MMUT: variants seen among roughly 807,000 people sequenced by gnomAD.
The protein encoded by MMUT is methylmalonyl-CoA mutase.
A neutral mutation model predicts 79.9 loss-of-function variants in MMUT; 79 were observed. That is an observed-to-expected ratio of 0.99 (90% CI 0.82 to 1.19). The LOEUF is 1.19. Among genes scored for constraint, MMUT ranks in the 50% most tolerant of loss-of-function variants. MMUT has a pLI of 0.00. For synonymous variants in MMUT, 273 were observed against 295.7 expected, an observed-to-expected ratio of 0.92 and a Z score of 0.79; for missense variants, 860 against 917.2, an observed-to-expected ratio of 0.94 and a Z score of 0.81.
At chr6:49,447,113 C>T (rs939386778) in intron 8 of MMUT, among the ~76,000 whole-genome samples, 2 of 151,764 alleles carry the variant, frequency 1.3e-5, no homozygotes, top group Non-Finnish European at 3.0e-5. Context: ...GAAGGGAATA[C>T]GATACTCTAG....
At chr6:49,446,593 A>C (rs1767415037) in intron 8 of MMUT, among the ~76,000 whole-genome samples, 1 of 151,896 alleles carries the variant, frequency 6.6e-6, no homozygotes, top group Admixed American at 6.6e-5. Flanking sequence ...TGGAAATAAA[A>C]ATAGTAACTA....
At chr6:49,458,106 A>G in intron 2 of MMUT, 48 bp from the exon 3 acceptor site, 1 of 1,571,016 alleles carries the variant, frequency 6.4e-7, no homozygotes. Context: ...TCTGGAATCA[A>G]GGTAAAATGA....
At chr6:49,448,288 A>T (rs1422523286) in intron 7 of MMUT, among the ~76,000 whole-genome samples, 1 of 151,748 alleles carries the variant, frequency 6.6e-6, no homozygotes, top group African/African-American at 2.4e-5. Context: ...ACTTCCCACA[A>T]CCCCTACCCC....
In MMUT at chr6:49,448,924, T is replaced by C. The variant is rs956073228; in HGVS notation, c.1336A>G (p.Ile446Val). ...NDVYDAALKL[I>V]NEIEEMGGMA... ...CCACCCATTTCTTCAATTTCATTAA[T>C]GAGCTAAAAAGAAAAACATTAACAA... The change falls in exon 7 of 13, where the codon ATT becomes GTT. Residue 446 changes from isoleucine to valine, a missense_variant. Coordinates refer to ENST00000274813, the MANE Select transcript of MMUT (RefSeq NM_000255.4). The C allele has an allele frequency of 6.9e-6, 11 of 1,604,328 alleles. No individual in the cohort carries two copies. Among genetic ancestry groups the C allele is most frequent in the Non-Finnish European group, 9.4e-6 (11 of 1,171,486 alleles).
intron 8 of MMUT, among the ~76,000 whole-genome samples, chr6:49,447,403 C>G (rs1340557218): frequency 6.6e-6 from 1 of 151,766 alleles, no homozygotes; most frequent in Non-Finnish European, 1.5e-5. Flanking sequence ...TTTTTAATAA[C>G]AACTTATAAG....
Position 49,447,686 on chromosome 6 carries a change from A to G in MMUT, c.1544T>C (p.Ile515Thr), listed in dbSNP as rs1436325438. The change falls in exon 8 of 13, where the codon ATT (isoleucine) becomes ACT (threonine). Residue 515 changes from isoleucine (I) to threonine (T), a missense_variant. Physicochemically the swap from Ile to Thr is moderately conservative, Grantham distance 89. Coordinates refer to ENST00000274813, the MANE Select transcript of MMUT (RefSeq NM_000255.4). ...IDNTSVRNRQ[I>T]EKLKKIKSSR... is the part of the protein sequence containing the mutation. ...TATTAATACCTTCTTAAGTTTTTCA[A>G]TCTGCCTGTTTCGCACTGAAGTATT... The G allele has an allele frequency of 6.2e-7, 1 of 1,608,620 alleles. No individual in the cohort carries two copies. Among genetic ancestry groups the G allele is most frequent in the Admixed American group, 1.7e-5 (1 of 59,890 alleles).
chr6:49,459,121 C>T lies in MMUT; in HGVS notation c.346G>A (p.Val116Met). The T allele has an allele frequency of 1.9e-6, 3 of 1,614,100 alleles. No homozygotes were observed. Among genetic ancestry groups the T allele is most frequent in the Non-Finnish European group, 2.5e-6 (3 of 1,180,010 alleles). Residue 116 changes from valine (V) to methionine (M), a missense_variant, in exon 2 of 13, where the codon GTG (valine) becomes ATG (methionine). Transcript: ENST00000274813. ...TIRQYAGFST[V>M]EESNKFYKDN... The stretch of plus-strand genomic sequence containing the variant: ...TTATAGAACTTATTGCTTTCTTCCA[C>T]AGTACTAAAACCAGCATACTGGCGG...
intron 12 of MMUT, 102 bp from the exon 13 acceptor site, chr6:49,431,958 C>G (rs1766991582): frequency 1.5e-6 from 2 of 1,353,970 alleles, no homozygotes; most frequent in Admixed American, 1.7e-5. Flanking sequence ...CCAAAACCTT[C>G]TCAACTGGTA....
chr6:49,459,873 C>A, intron 1 of MMUT, among the ~76,000 whole-genome samples: 1 of 152,114 alleles, frequency 6.6e-6, no homozygotes, highest in African/African-American at 2.4e-5. Flanking sequence ...CTACAGCCTC[C>A]TAATTAATTT....
chr6:49,453,526 CAG>C (rs1767609050), intron 5 of MMUT, 57 bp downstream of exon 5: 3 of 949,400 alleles, frequency 3.2e-6, no homozygotes, highest in Non-Finnish European at 2.9e-6. Flanking sequence ...CCACATTGCT[CAG>C]AAAAAATATA....
rs188469760 is a variant in MMUT at position 49,445,559 on chromosome 6, A to T, written c.1561-805T>A. 1.7e-4 allele frequency among the ~76,000 whole-genome samples: 26 copies of T among 152,190 alleles called. No individual in the cohort carries two copies. The East Asian group carries it at 5.0e-3, about 29-fold the overall frequency. On this transcript the variant is annotated intron_variant, in intron 8 of 12. Coordinates refer to ENST00000274813, the MANE Select transcript of MMUT (RefSeq NM_000255.4). ...AAATTCAGGGATGTTCAAGGCCCTT[A>T]TATAAAATGATGTAGTGTTTGCATA...
intron 3 of MMUT, among the ~76,000 whole-genome samples, chr6:49,456,534 G>A (rs1214957290): frequency 6.6e-6 from 1 of 152,122 alleles, no homozygotes; most frequent in African/African-American, 2.4e-5. Context: ...GCTGAGGTTA[G>A]GAATGTAACC....
Position 49,459,286 on chromosome 6 carries a change from A to T in MMUT, c.181T>A (p.Trp61Arg). ...LKGKNPEDLI[W>R]HTPEGISIKP... ...ATAGAGATCCCTTCCGGGGTGTGCC[A>T]TATTAGGTCTTCTGGGTTTTTGCCT... The change falls in exon 2 of 13, where the codon TGG becomes AGG. Residue 61 changes from tryptophan to arginine, a missense_variant. Physicochemically the swap from Trp to Arg is moderately radical, Grantham distance 101. Transcript: ENST00000274813. 6.2e-7 allele frequency: 1 copy of T among 1,614,132 alleles called. No homozygotes were observed. The highest frequency in any genetic ancestry group is 2.2e-5 in the East Asian group (1 of 44,860).
intron 3 of MMUT, among the ~76,000 whole-genome samples, 183 bp from the exon 4 acceptor site, chr6:49,456,420 A>G (rs1767691998): frequency 6.6e-6 from 1 of 152,210 alleles, no homozygotes; most frequent in Non-Finnish European, 1.5e-5. Flanking sequence ...TCCAATTTAA[A>G]TGGTTCGTCC....
At chr6:49,450,948 A>G (rs1326884748) in intron 6 of MMUT, among the ~76,000 whole-genome samples, 1 of 152,196 alleles carries the variant, frequency 6.6e-6, no homozygotes, top group Non-Finnish European at 1.5e-5. Flanking sequence ...ACATTGAGAT[A>G]TAATTATATT....
Position 49,444,620 on chromosome 6 carries a change from C to T in MMUT, c.1676+19G>A. On this transcript the variant is annotated intron_variant, in intron 9 of 12. Transcript: ENST00000274813. ...TCAACTTTTAGTCTTTGGAAACCTC[C>T]AAACTTATATATCTTCACCTTGCCC... The T allele has an allele frequency of 6.2e-7, 1 of 1,602,642 alleles. No individual in the cohort carries two copies. Among genetic ancestry groups the T allele is most frequent in the Middle Eastern group, 1.7e-4 (1 of 6,032 alleles).
intron 3 of MMUT, among the ~76,000 whole-genome samples, chr6:49,456,628 G>T (rs1767698357): frequency 6.6e-6 from 1 of 151,980 alleles, no homozygotes; most frequent in African/African-American, 2.4e-5. Context: ...CAAACCTTGG[G>T]TTAATCTGCT....
intron 8 of MMUT, 123 bp downstream of exon 8, chr6:49,447,547 G>A: frequency 1.5e-6 from 1 of 648,674 alleles, no homozygotes; most frequent in Non-Finnish European, 2.7e-6. Context: ...TTGAAATGAT[G>A]GAAATTAATA....
chr6:49,440,182 A>G (rs1485008645), intron 11 of MMUT, 24 bp downstream of exon 11: 1 of 1,613,670 alleles, frequency 6.2e-7, no homozygotes, highest in Non-Finnish European at 8.5e-7. Context: ...TACTTTTGAA[A>G]TTCCCCCCAA....
Sources: gnomAD v4.1 joint callset for allele counts (sites outside exome capture counted in the v4.1 genomes callset) on GRCh38, gnomAD v4.1.1 for gene constraint, MANE v1.5 for transcripts, NCBI Gene and HGNC (gene_info 2026-07-23, HGNC 2026-07-21) for gene names.